Variants in ERAP2 observed in about 807,000 individuals in gnomAD.
The protein encoded by ERAP2 is endoplasmic reticulum aminopeptidase 2.
Under a neutral mutation model 111.1 loss-of-function variants are expected in ERAP2, and 118 were observed. The observed-to-expected ratio is 1.06, with a 90% CI of 0.92 to 1.24. The LOEUF is 1.24. Ranked by LOEUF, ERAP2 falls within the 50% of genes most tolerant of loss-of-function variation. ERAP2 has a pLI of 0.00. For missense variants in ERAP2, 1,131 were observed against 1,125.8 expected (o/e 1.00, Z -0.07); for synonymous variants, 410 against 401.2 (o/e 1.02, Z -0.26).
At position 96,903,460 on chromosome 5, in the gene ERAP2, C is replaced by T; in HGVS notation, c.1912C>T (p.His638Tyr). 5 of 1,614,008 alleles carry T rather than the reference C, an allele frequency of 3.1e-6. No homozygotes were observed. In the East Asian group the frequency reaches 8.9e-5, roughly 29 times the overall value. Reference protein sequence around the residue: ...NGYYIVHYEGHGWDQLITQLN... With the variant: ...NGYYIVHYEGYGWDQLITQLN... ...TTACTACATCGTTCACTATGAGGGTCATGGATGGGACCAACTCATTACACA... is the reference window on the plus strand; with the variant it reads ...TTACTACATCGTTCACTATGAGGGTTATGGATGGGACCAACTCATTACACA... Residue 638 changes from histidine to tyrosine, a missense_variant, in exon 13 of 19, where the codon CAT becomes TAT. Coordinates refer to ENST00000437043, the MANE Select transcript of ERAP2 (RefSeq NM_022350.5).
Position 96,896,462 on chromosome 5 carries a change from G to T in ERAP2, c.1329G>T (p.Pro443=), listed in dbSNP as rs367830527. The change falls in exon 8 of 19, where the codon CCG becomes CCT. Residue 443 remains proline (P), a synonymous_variant. Transcript: ENST00000437043. ...SRPISKPAET[P]TQIQEMFDEV... The stretch of plus-strand genomic sequence containing the variant: ...CTATCTCCAAACCAGCGGAAACCCC[G>T]ACTCAAATACAGGAAATGTTTGATG... The T allele has an allele frequency of 5.0e-6, 8 of 1,613,458 alleles. No homozygotes were observed. In the South Asian group the frequency reaches 8.8e-5, roughly 18 times the overall value.
intron 10 of ERAP2, among the ~76,000 whole-genome samples, chr5:96,900,846 T>A (rs1194060847): frequency 6.6e-6 from 1 of 151,972 alleles, no homozygotes; most frequent in African/African-American, 2.4e-5. Flanking sequence ...CCGGCTAATT[T>A]TTTTGTATTT....
In ERAP2 at chr5:96,897,045, G is replaced by T. The variant is rs540889364; in HGVS notation, c.1503+182G>T. ...CTCTAACACCACACTAGGATGTCACGCTGGGGTGGCCCCAGGGGCTCACTA... is the reference window on the plus strand; with the variant it reads ...CTCTAACACCACACTAGGATGTCACTCTGGGGTGGCCCCAGGGGCTCACTA... On this transcript the variant is annotated intron_variant, in intron 9 of 18. Transcript: ENST00000437043. Among the ~76,000 whole-genome samples the T allele has an allele frequency of 4.4e-5, 3 of 68,402 alleles. No individual in the cohort carries two copies. The East Asian group carries it at 1.6e-3, about 36-fold the overall frequency. 44.9% of individuals were successfully genotyped at this position (68,402 alleles called of 152,430 possible).
In ERAP2 at chr5:96,908,871, A is replaced by G. The variant is rs1581894432; in HGVS notation, c.2013-90A>G. The G allele has an allele frequency of 6.0e-6, 8 of 1,324,404 alleles. No homozygotes were observed. In the East Asian group the frequency reaches 2.0e-4, roughly 33 times the overall value. 82.0% of individuals were successfully genotyped at this position (1,324,404 alleles called of 1,614,324 possible). A position where few individuals can be genotyped will look rare whatever the true frequency, so the allele number is the denominator to read the frequency against. ...CCAGCTATAATGACCTACTTCTGTT[A>G]TTGTTCTCTATTTCATATTTGTTTT... is the stretch of plus-strand genomic sequence containing the variant. On this transcript the variant is annotated intron_variant, in intron 13 of 18. Coordinates refer to ENST00000437043, the MANE Select transcript of ERAP2 (RefSeq NM_022350.5).
chr5:96,904,105 C>G (rs1262307798), intron 13 of ERAP2, among the ~76,000 whole-genome samples: 1 of 152,212 alleles, frequency 6.6e-6, no homozygotes, highest in African/African-American at 2.4e-5. Flanking sequence ...GTTATGAAAT[C>G]TATTCATTAC....
chr5:96,905,926 A>G (rs1014390046), intron 13 of ERAP2, among the ~76,000 whole-genome samples: 8 of 145,252 alleles, frequency 5.5e-5, no homozygotes, highest in Admixed American at 7.3e-5. Flanking sequence ...TTGGAGAGAT[A>G]ATTTTTTTTT....
chr5:96,884,654 T>C (rs1166995841), intron 3 of ERAP2, among the ~76,000 whole-genome samples: 1 of 151,986 alleles, frequency 6.6e-6, no homozygotes, highest in Non-Finnish European at 1.5e-5. Flanking sequence ...GCCTCCTGGG[T>C]TCAAGCAATT....
chr5:96,882,025 C>T (rs142672595), intron 2 of ERAP2, among the ~76,000 whole-genome samples: 2 of 152,290 alleles, frequency 1.3e-5, no homozygotes, highest in East Asian at 1.9e-4. Context: ...CTGCTCTTCC[C>T]TTCCCCACTT....
intron 8 of ERAP2, 107 bp from the exon 9 acceptor site, chr5:96,896,625 C>A: frequency 7.0e-7 from 1 of 1,434,042 alleles, no homozygotes; most frequent in Non-Finnish European, 9.3e-7. Context: ...TATTTGTTCA[C>A]TTTTCAGACA....
intron 5 of ERAP2, among the ~76,000 whole-genome samples, chr5:96,891,432 G>T (rs1288715982): frequency 7.0e-6 from 1 of 143,732 alleles, no homozygotes; most frequent in African/African-American, 2.6e-5. Context: ...CACATATACA[G>T]GTACATATAT....
chr5:96,910,456 A>G (rs974208027), intron 15 of ERAP2, among the ~76,000 whole-genome samples: 2 of 151,886 alleles, frequency 1.3e-5, no homozygotes, highest in East Asian at 3.8e-4. Flanking sequence ...AGTTTTAGAA[A>G]AAAAAAAACT....
intron 10 of ERAP2, among the ~76,000 whole-genome samples, chr5:96,900,698 A>C (rs1455685130): frequency 6.6e-6 from 1 of 152,146 alleles, no homozygotes; most frequent in East Asian, 1.9e-4. Context: ...TTTATTTTAG[A>C]CAAAGTCTCA....
intron 9 of ERAP2, among the ~76,000 whole-genome samples, chr5:96,899,718 C>T (rs944384270): frequency 1.3e-5 from 2 of 152,116 alleles, no homozygotes; most frequent in African/African-American, 4.8e-5. Flanking sequence ...TGTAATATGT[C>T]AGGGGAGAGT....
chr5:96,916,565 G>T (rs1259750758), intron 18 of ERAP2, among the ~76,000 whole-genome samples: 1 of 144,008 alleles, frequency 6.9e-6, no homozygotes, highest in African/African-American at 2.6e-5. Flanking sequence ...CCAGGTTCAC[G>T]CCATTCTCCT....
At chr5:96,904,542 A>G (rs1561389441) in intron 13 of ERAP2, among the ~76,000 whole-genome samples, 1 of 152,184 alleles carries the variant, frequency 6.6e-6, no homozygotes, top group Non-Finnish European at 1.5e-5. Context: ...AACATCTTGG[A>G]GGCATAGCTC....
Position 96,889,183 on chromosome 5 carries a change from A to T in ERAP2, c.850-2A>T, listed in dbSNP as rs375864675. On this transcript the variant is annotated splice_acceptor_variant, in intron 4 of 18. Transcript: ENST00000437043. LOFTEE classifies it high-confidence loss of function. ...AAACCTCTTCTGATCCACATTTCCC[A>T]GGTGTCCATCTATGCATCCCCAGAC... 16 of 1,613,866 alleles carry T rather than the reference A, an allele frequency of 9.9e-6. No individual in the cohort carries two copies. Among genetic ancestry groups the T allele is most frequent in the Middle Eastern group, 3.3e-4 (2 of 6,078 alleles).
intron 1 of ERAP2, among the ~76,000 whole-genome samples, chr5:96,879,246 AT>A (rs1382075660): frequency 6.6e-6 from 1 of 152,242 alleles, no homozygotes; most frequent in Non-Finnish European, 1.5e-5. Flanking sequence ...ATAAACAAAA[AT>A]TTAAAATATA....
At chr5:96,899,728 T>A (rs971192825) in intron 9 of ERAP2, among the ~76,000 whole-genome samples, 21 of 151,996 alleles carry the variant, frequency 1.4e-4, no homozygotes, top group Admixed American at 1.4e-3. Context: ...CAGGGGAGAG[T>A]TAACAGTACT....
chr5:96,890,422 C>A (rs1406758667), intron 5 of ERAP2, among the ~76,000 whole-genome samples: 1 of 152,118 alleles, frequency 6.6e-6, no homozygotes. Flanking sequence ...TGCTCTCTCG[C>A]CCACCGCTCA....
Sources: gnomAD v4.1 joint callset for allele counts (sites outside exome capture counted in the v4.1 genomes callset) on GRCh38, gnomAD v4.1.1 for gene constraint, MANE v1.5 for transcripts, NCBI Gene and HGNC (gene_info 2026-07-23, HGNC 2026-07-21) for gene names.